Variants in NELL1 observed in about 807,000 individuals in gnomAD.
NELL1 encodes the protein protein kinase C-binding protein NELL1.
Under a neutral mutation model 107.4 loss-of-function variants are expected in NELL1, and 76 were observed. The ratio of observed to expected loss-of-function variants is 0.71; its 90% CI spans 0.59 to 0.86. The LOEUF (loss-of-function observed/expected upper bound fraction) is 0.86, where lower values mean the gene tolerates loss of function less well. Ranked by LOEUF, NELL1 falls within the 40% of genes least tolerant of loss-of-function variation. The pLI, the probability that NELL1 is intolerant of heterozygous loss-of-function variation, is 0.00. For synonymous variants in NELL1, 353 were observed against 341.2 expected (o/e 1.03, Z -0.38); for missense variants, 1,024 against 1,005.5 (o/e 1.02, Z -0.25).
chr11:20,807,054 G>GTT (rs113224546), intron 3 of NELL1, among the ~76,000 whole-genome samples: 13 of 143,464 alleles, frequency 9.1e-5, no homozygotes, highest in Non-Finnish European at 7.7e-5. Context: ...GCATTATTTA[G>GTT]TTTTTTTTTT....
In NELL1 at chr11:21,266,102, G is replaced by A. The variant is rs541311417; in HGVS notation, c.1549+36648G>A. Among the ~76,000 whole-genome samples, 12 of 151,994 alleles carry A rather than the reference G, an allele frequency of 7.9e-5. No homozygotes were observed. The South Asian group carries it at 1.0e-3, about 13-fold the overall frequency. On this transcript the variant is annotated intron_variant, in intron 14 of 19. Coordinates refer to ENST00000357134, the MANE Select transcript of NELL1 (RefSeq NM_006157.5). ...TCCCTAACCCTCCTAGTCCAGATACGCAGTCAGTTCATCTATGCACTTCCA... is the reference window on the plus strand; with the variant it reads ...TCCCTAACCCTCCTAGTCCAGATACACAGTCAGTTCATCTATGCACTTCCA...
chr11:21,548,516 G>A (rs558566873), intron 16 of NELL1, among the ~76,000 whole-genome samples: 28 of 151,834 alleles, frequency 1.8e-4, no homozygotes, highest in Middle Eastern at 3.4e-3. Context: ...AAGTGAAAGC[G>A]GAAACCCCTT....
intron 2 of NELL1, among the ~76,000 whole-genome samples, chr11:20,757,240 C>G (rs867655262): frequency 5.9e-5 from 9 of 151,788 alleles, no homozygotes; most frequent in South Asian, 2.1e-4. Context: ...ATTACATTCA[C>G]AATGTTGTGC....
At chr11:21,241,904 ATTTTTTTT>A (rs10652603) in intron 14 of NELL1, among the ~76,000 whole-genome samples, 1 of 134,158 alleles carries the variant, frequency 7.5e-6, no homozygotes, top group African/African-American at 2.8e-5. Context: ...GTCTGTTTCT[ATTTTTTTT>A]TTTTTTTTTG....
intron 13 of NELL1, among the ~76,000 whole-genome samples, chr11:21,169,169 C>A (rs924631090): frequency 2.6e-5 from 4 of 151,724 alleles, no homozygotes; most frequent in African/African-American, 9.7e-5. Flanking sequence ...ATCATGGTGA[C>A]CAACACGGAG....
chr11:20,690,905 C>T (rs562490491), intron 2 of NELL1, among the ~76,000 whole-genome samples: 5,066 of 151,868 alleles, frequency 0.033, 292 homozygotes, highest in African/African-American at 0.12. Flanking sequence ...TTGATTCTTC[C>T]TACCCATGAG....
At chr11:21,231,139 G>C (rs1461775647) in intron 14 of NELL1, among the ~76,000 whole-genome samples, 3 of 151,940 alleles carry the variant, frequency 2.0e-5, no homozygotes, top group African/African-American at 7.3e-5. Flanking sequence ...CACATTGAAA[G>C]ATACCCTACA....
intron 14 of NELL1, among the ~76,000 whole-genome samples, chr11:21,308,896 AT>A (rs1849666138): frequency 6.6e-6 from 1 of 151,892 alleles, no homozygotes; most frequent in South Asian, 2.1e-4. Context: ...CATTATAGGA[AT>A]TTTATCAAAA....
intron 9 of NELL1, among the ~76,000 whole-genome samples, chr11:20,933,861 ACTCTT>A (rs1850667594): frequency 6.6e-6 from 1 of 152,072 alleles, no homozygotes; most frequent in Admixed American, 6.6e-5. Flanking sequence ...CAGCTGCATA[ACTCTT>A]TATATCCTCA....
chr11:20,901,908 A>G (rs1322624660), intron 5 of NELL1, among the ~76,000 whole-genome samples: 2 of 152,102 alleles, frequency 1.3e-5, no homozygotes, highest in African/African-American at 4.8e-5. Flanking sequence ...AAAACATTAT[A>G]TATATATTAT....
chr11:20,880,602 GC>G (rs1403063780), intron 4 of NELL1, among the ~76,000 whole-genome samples: 1 of 152,118 alleles, frequency 6.6e-6, no homozygotes, highest in Non-Finnish European at 1.5e-5. Flanking sequence ...GGCTTTGTGG[GC>G]GTGAAAAAGG....
Position 21,132,183 on chromosome 11 carries a change from TTGTGTG to T in NELL1, c.1426+18486_1426+18491del, listed in dbSNP as rs111574120. ...CTTTCCTCAAGGATTAGCCTGTATT[TTGTGTG>T]TGTGTGTGTGTGTGTGCATGTCTGT... On this transcript the variant is annotated intron_variant, in intron 13 of 19. Coordinates refer to ENST00000357134, the MANE Select transcript of NELL1 (RefSeq NM_006157.5). Among the ~76,000 whole-genome samples the T allele has an allele frequency of 1.4e-4, 21 of 149,810 alleles. No individual in the cohort carries two copies. The East Asian group carries it at 2.0e-3, about 14-fold the overall frequency.
intron 17 of NELL1, among the ~76,000 whole-genome samples, chr11:21,563,146 C>G (rs904265524): frequency 2.0e-5 from 3 of 152,066 alleles, no homozygotes; most frequent in African/African-American, 7.2e-5. Context: ...GTGGTTGTCT[C>G]TCTGGGATTG....
intron 15 of NELL1, among the ~76,000 whole-genome samples, chr11:21,482,801 GT>G (rs1854526424): frequency 7.0e-6 from 1 of 142,344 alleles, no homozygotes; most frequent in African/African-American, 2.6e-5. Flanking sequence ...CTTTCCTTTT[GT>G]TTGTTTGTTT....
intron 12 of NELL1, among the ~76,000 whole-genome samples, chr11:21,104,565 T>C (rs1006007868): frequency 2.6e-5 from 4 of 152,240 alleles, no homozygotes; most frequent in Non-Finnish European, 5.9e-5. Context: ...TTGTATTTCA[T>C]GGTGTATGTA....
At chr11:21,439,901 C>G (rs893071363) in intron 15 of NELL1, among the ~76,000 whole-genome samples, 2 of 152,134 alleles carry the variant, frequency 1.3e-5, no homozygotes, top group African/African-American at 4.8e-5. Context: ...GCCTCACTAT[C>G]TACCAACTAA....
At chr11:21,176,227 C>G (rs994184130) in intron 13 of NELL1, among the ~76,000 whole-genome samples, 1 of 151,882 alleles carries the variant, frequency 6.6e-6, no homozygotes, top group Non-Finnish European at 1.5e-5. Context: ...CATCAACTTT[C>G]TGAACCATCC....
At chr11:20,905,803 C>G (rs1384824124) in intron 5 of NELL1, among the ~76,000 whole-genome samples, 25 of 151,940 alleles carry the variant, frequency 1.6e-4, no homozygotes, top group Non-Finnish European at 1.5e-5. Context: ...AGGACATTAT[C>G]AAATAGACTA....
intron 15 of NELL1, among the ~76,000 whole-genome samples, chr11:21,449,126 G>T (rs1226716579): frequency 5.9e-5 from 9 of 152,172 alleles, no homozygotes; most frequent in Admixed American, 3.3e-4. Flanking sequence ...TTTTAAAGGA[G>T]CTTCCAAACT....
Sources: gnomAD v4.1 joint callset for allele counts (sites outside exome capture counted in the v4.1 genomes callset) on GRCh38, gnomAD v4.1.1 for gene constraint, MANE v1.5 for transcripts, NCBI Gene and HGNC (gene_info 2026-07-23, HGNC 2026-07-21) for gene names.